The following ZMYM1 variants were observed in gnomAD, a reference collection of about 807,000 sequenced individuals.
The protein encoded by ZMYM1 is zinc finger MYM-type containing 1.
ZMYM1 carries 39 observed loss-of-function variants against 60.0 expected under a neutral mutation model. That is an observed-to-expected ratio of 0.65 (90% CI 0.50 to 0.85). The LOEUF is 0.85. Ranked by LOEUF, ZMYM1 falls within the 40% of genes least tolerant of loss-of-function variation. The pLI is 0.00. For synonymous variants in ZMYM1, 413 were observed against 454.0 expected, an observed-to-expected ratio of 0.91 and a Z score of 1.15; for missense variants, 1,171 against 1,309.5, an observed-to-expected ratio of 0.89 and a Z score of 1.63.
intron 1 of ZMYM1, among the ~76,000 whole-genome samples, chr1:35,072,244 A>T (rs917065770): frequency 3.3e-5 from 5 of 151,970 alleles, no homozygotes; most frequent in African/African-American, 2.4e-5. Context: ...CAATTTCCTC[A>T]CTCATTTTTG....
At chr1:35,079,670 G>A (rs1051549894) in intron 1 of ZMYM1, among the ~76,000 whole-genome samples, 5 of 152,196 alleles carry the variant, frequency 3.3e-5, no homozygotes, top group African/African-American at 1.2e-4. Context: ...GACTGGGGGG[G>A]TTAGTGCTCC....
In ZMYM1 at chr1:35,093,895, T is replaced by C; in HGVS notation, c.-74-19T>C. On this transcript the variant is annotated intron_variant, in intron 1 of 9. Transcript: ENST00000359858. ...GGACTAATTTTAAAATCAAACTCTT[T>C]ATCAATATTTTATTTTAGGAATCTG... The C allele has an allele frequency of 1.2e-6, 1 of 868,002 alleles. No individual in the cohort carries two copies. Among genetic ancestry groups the C allele is most frequent in the Non-Finnish European group, 1.7e-6 (1 of 577,646 alleles). The allele number at this position is 868,002 out of a possible 1,614,324, so 53.8% of individuals were successfully genotyped here. A position where few individuals can be genotyped will look rare whatever the true frequency, so the allele number is the denominator to read the frequency against.
rs912225005 is a variant in ZMYM1, at chr1:35,104,376, T to C, written c.501T>C (p.Cys167=). The change falls in exon 5 of 10, where the codon TGT becomes TGC. Residue 167 remains cysteine (C), a synonymous_variant. Coordinates refer to ENST00000359858, the MANE Select transcript of ZMYM1 (RefSeq NM_024772.5). ...GCAAAACTTTTTGCAGCCTATCTTG[T>C]CTTTCATCATATGAAGAAAAAAGAA... ...TSCKTFCSLS[C]LSSYEEKRKP... is the part of the protein sequence containing the mutation. 6.2e-7 allele frequency: 1 copy of C among 1,613,424 alleles called. No homozygotes were observed. Among genetic ancestry groups the C allele is most frequent in the African/African-American group, 1.3e-5 (1 of 75,002 alleles).
intron 1 of ZMYM1, among the ~76,000 whole-genome samples, chr1:35,061,500 G>C (rs547177817): frequency 6.6e-6 from 1 of 152,184 alleles, no homozygotes; most frequent in African/African-American, 2.4e-5. Flanking sequence ...ATCTTGGCTG[G>C]GTGCGGTGGC....
At position 35,082,705 on chromosome 1, in the gene ZMYM1, C is replaced by T. The variant is rs570837338; in HGVS notation, c.-75+3263C>T. Reference sequence around the variant, plus strand: ...TAAAGAATTTCCTTTAGTGGCCGGGCGTGGTGGCTCACCCCTGTAATCCCA... The same window carrying T: ...TAAAGAATTTCCTTTAGTGGCCGGGTGTGGTGGCTCACCCCTGTAATCCCA... On this transcript the variant is annotated intron_variant, in intron 1 of 9. Transcript: ENST00000359858. Among the ~76,000 whole-genome samples the T allele has an allele frequency of 8.7e-5, 13 of 149,420 alleles. No individual in the cohort carries two copies. In the South Asian group the frequency reaches 1.6e-3, roughly 18 times the overall value.
upstream of ZMYM1, among the ~76,000 whole-genome samples, chr1:35,076,786 G>C (rs1458200151): frequency 6.6e-6 from 1 of 151,900 alleles, no homozygotes; most frequent in African/African-American, 2.4e-5. Flanking sequence ...TACAAAATTA[G>C]CTGGGCATGA....
downstream of ZMYM1, among the ~76,000 whole-genome samples, chr1:35,118,807 C>A (rs1490778192): frequency 6.6e-6 from 1 of 152,284 alleles, no homozygotes; most frequent in East Asian, 1.9e-4. Context: ...AATAAACTTA[C>A]ATTAAGTATA....
At chr1:35,110,252 T>C (rs769957134) in intron 6 of ZMYM1, 42 bp from the exon 7 acceptor site, 1 of 1,358,124 alleles carries the variant, frequency 7.4e-7, no homozygotes, top group South Asian at 2.2e-5. Context: ...TAACAACATA[T>C]CATATACCAG....
intron 1 of ZMYM1, among the ~76,000 whole-genome samples, chr1:35,066,005 G>A (rs934067441): frequency 1.3e-5 from 2 of 151,978 alleles, no homozygotes; most frequent in African/African-American, 4.8e-5. Flanking sequence ...CAGATAAGCT[G>A]TTCTATACAA....
In ZMYM1 at chr1:35,110,365, G is replaced by A. The variant is rs375734213; in HGVS notation, c.879G>A (p.Thr293=). The A allele has an allele frequency of 3.1e-5, 49 of 1,597,040 alleles. No individual in the cohort carries two copies. In the South Asian group the frequency reaches 4.0e-4, roughly 13 times the overall value. The change falls in exon 7 of 10, where the codon ACG becomes ACA. Residue 293 remains threonine, a synonymous_variant. Coordinates refer to ENST00000359858, the MANE Select transcript of ZMYM1 (RefSeq NM_024772.5). ...CCTCAGATGAAATGATTGAGACTAC[G>A]AGTGATTTGGGGAAGACAGAGCTTT... ...LKPSDEMIET[T]SDLGKTELFC...
intron 1 of ZMYM1, among the ~76,000 whole-genome samples, chr1:35,067,434 T>C (rs1161429520): frequency 6.6e-6 from 1 of 151,906 alleles, no homozygotes; most frequent in African/African-American, 2.4e-5. Flanking sequence ...ACTACAGGCA[T>C]GCACCACCAT....
chr1:35,098,705 G>A (rs1035846721), intron 4 of ZMYM1, among the ~76,000 whole-genome samples: 1 of 152,088 alleles, frequency 6.6e-6, no homozygotes, highest in African/African-American at 2.4e-5. Flanking sequence ...TCAGGAGTTT[G>A]AGACCAGCCT....
intron 1 of ZMYM1, among the ~76,000 whole-genome samples, chr1:35,090,055 G>C (rs529940318): frequency 6.6e-6 from 1 of 152,038 alleles, no homozygotes; most frequent in East Asian, 1.9e-4. Context: ...ACAGACACCT[G>C]CCACCACGCC....
At chr1:35,104,963 AATCTCAG>A (rs906034033) in intron 6 of ZMYM1, among the ~76,000 whole-genome samples, 194 bp downstream of exon 6, 7 of 152,208 alleles carry the variant, frequency 4.6e-5, no homozygotes, top group Admixed American at 2.0e-4. Context: ...TTTCCTAAAT[AATCTCAG>A]ATCGATTATC....
In ZMYM1 at chr1:35,104,332, C is replaced by T; in HGVS notation, c.457C>T (p.Leu153=). ...LNPKDVISVQ[L]EDTTSCKTFC... ...TCCAAAGGATGTGATTAGTGTCCAG[C>T]TGGAAGACACTACCTCTTGCAAAAC... Residue 153 remains leucine (L), a synonymous_variant, in exon 5 of 10, where the codon CTG becomes TTG. Coordinates refer to ENST00000359858, the MANE Select transcript of ZMYM1 (RefSeq NM_024772.5). 1 of 1,606,462 alleles carries T rather than the reference C, an allele frequency of 6.2e-7. No homozygotes were observed. The highest frequency in any genetic ancestry group is 1.1e-5 in the South Asian group (1 of 90,106).
intron 1 of ZMYM1, among the ~76,000 whole-genome samples, chr1:35,069,832 A>C (rs1642037501): frequency 6.6e-6 from 1 of 152,124 alleles, no homozygotes; most frequent in Non-Finnish European, 1.5e-5. Flanking sequence ...AGCATTGTTT[A>C]TTGAAGAAAC....
intron 3 of ZMYM1, among the ~76,000 whole-genome samples, chr1:35,096,857 GC>G (rs1483706791): frequency 6.6e-6 from 1 of 152,174 alleles, no homozygotes; most frequent in East Asian, 1.9e-4. Flanking sequence ...GTGTCACCAT[GC>G]CCAGCTAATT....
intron 1 of ZMYM1, among the ~76,000 whole-genome samples, chr1:35,071,800 T>C (rs948181899): frequency 1.3e-5 from 2 of 152,200 alleles, no homozygotes; most frequent in Non-Finnish European, 2.9e-5. Flanking sequence ...TCAGGAATGG[T>C]TTGAGAATAA....
intron 1 of ZMYM1, among the ~76,000 whole-genome samples, chr1:35,061,820 T>TTTATTTATTTATTTATTTATTTATTTA (rs1641882767): frequency 6.9e-6 from 1 of 145,574 alleles, no homozygotes; most frequent in African/African-American, 2.7e-5. Flanking sequence ...TCCCTTTTAT[T>TTTATTTATTTATTTATTTATTTATTTA]TTTATTTATT....
Sources: gnomAD v4.1 joint callset for allele counts (sites outside exome capture counted in the v4.1 genomes callset) on GRCh38, gnomAD v4.1.1 for gene constraint, MANE v1.5 for transcripts, NCBI Gene and HGNC (gene_info 2026-07-23, HGNC 2026-07-21) for gene names.